Variants in LRRC7 observed in about 807,000 individuals in gnomAD.
LRRC7 encodes the protein leucine rich repeat containing 7.
LRRC7 carries 23 observed loss-of-function variants against 175.7 expected under a neutral mutation model. That is an observed-to-expected ratio of 0.13 (90% CI 0.09 to 0.19). The LOEUF is 0.19. Among genes scored for constraint, LRRC7 ranks in the 10% least tolerant of loss-of-function variants. LRRC7 has a pLI of 1.00. For missense variants in LRRC7, 1,354 were observed against 1,904.7 expected (o/e 0.71, Z 5.38); for synonymous variants, 685 against 680.9 (o/e 1.01, Z -0.09).
At chr1:69,687,518 A>AC (rs1438351104) in intron 2 of LRRC7, among the ~76,000 whole-genome samples, 4 of 90,342 alleles carry the variant, frequency 4.4e-5, no homozygotes, top group Admixed American at 1.2e-4. Flanking sequence ...TCAAGAAAAA[A>AC]CCAAAAAAAA....
At chr1:69,826,314 G>C (rs1246017892) in intron 5 of LRRC7, among the ~76,000 whole-genome samples, 1 of 152,116 alleles carries the variant, frequency 6.6e-6, no homozygotes, top group Non-Finnish European at 1.5e-5. Context: ...AACCCTAGGA[G>C]AATAGGAGAA....
chr1:69,797,917 G>T (rs539390862), intron 4 of LRRC7, among the ~76,000 whole-genome samples: 117 of 151,690 alleles, frequency 7.7e-4, no homozygotes, highest in South Asian at 1.9e-3. Context: ...TGTTTTTTTT[G>T]TTTGTTTGTT....
At chr1:69,904,620 C>A (rs1422303582) in intron 7 of LRRC7, among the ~76,000 whole-genome samples, 1 of 151,948 alleles carries the variant, frequency 6.6e-6, no homozygotes, top group African/African-American at 2.4e-5. Context: ...TTTTCTATTT[C>A]TTTTTAACTT....
At position 69,827,947 on chromosome 1, in the gene LRRC7, C is replaced by T. The variant is rs755710358; in HGVS notation, c.500+2121C>T. Among the ~76,000 whole-genome samples, 48 of 152,266 alleles carry T rather than the reference C, an allele frequency of 3.2e-4. No individual in the cohort carries two copies. In the Middle Eastern group the frequency reaches 0.017, roughly 54 times the overall value. On this transcript the variant is annotated intron_variant, in intron 5 of 26. Transcript: ENST00000651989. ...CAAGATATAGACTATTGCATCATCT[C>T]AAAGAATTCCCTTAGCCCAGTCATC...
intron 1 of LRRC7, among the ~76,000 whole-genome samples, chr1:69,675,375 G>A (rs11209514): frequency 0.21 from 31,685 of 151,956 alleles, 3,477 homozygotes; most frequent in South Asian, 0.29. Context: ...GACCACTTTT[G>A]TTTTCACATA....
chr1:69,716,252 T>C (rs1174887240), intron 2 of LRRC7: 4 of 452,330 alleles, frequency 8.8e-6, no homozygotes, highest in African/African-American at 2.0e-5. Flanking sequence ...TGCTTAAGTA[T>C]ATAGAATTCA....
intron 7 of LRRC7, among the ~76,000 whole-genome samples, chr1:69,922,467 A>G (rs1161981384): frequency 6.6e-6 from 1 of 152,212 alleles, no homozygotes; most frequent in Non-Finnish European, 1.5e-5. Context: ...TTGGGTAGAA[A>G]TTGTTCATTC....
intron 2 of LRRC7, among the ~76,000 whole-genome samples, chr1:69,701,093 A>T (rs1487382106): frequency 6.6e-6 from 1 of 152,190 alleles, no homozygotes; most frequent in Non-Finnish European, 1.5e-5. Context: ...AATTCTACTA[A>T]ATAAAACTGT....
chr1:69,835,455 A>G (rs1203191556), intron 6 of LRRC7, among the ~76,000 whole-genome samples: 1 of 151,920 alleles, frequency 6.6e-6, no homozygotes, highest in Non-Finnish European at 1.5e-5. Flanking sequence ...GGAACACATA[A>G]AAAAAGTCTG....
chr1:70,047,701 T>C (rs1167944613), intron 22 of LRRC7, among the ~76,000 whole-genome samples: 8 of 152,024 alleles, frequency 5.3e-5, no homozygotes, highest in South Asian at 2.1e-4. Flanking sequence ...ATGGTATATT[T>C]TTCATGTATT....
chr1:70,104,691 G>C (rs150864764), intron 25 of LRRC7, among the ~76,000 whole-genome samples: 140 of 152,252 alleles, frequency 9.2e-4, no homozygotes, highest in African/African-American at 3.3e-3. Flanking sequence ...ATAAGAGTAA[G>C]CAAAGCAAGT....
In LRRC7 at chr1:70,038,506, C is replaced by G; in HGVS notation, c.2682C>G (p.Thr894=). ...TRTPSPFEDR[T]AFPSKLETTP... ...CCCCTAGTCCGTTTGAAGACAGGAC[C>G]GCTTTTCCTTCCAAATTAGAGACAA... Residue 894 remains threonine, a synonymous_variant, in exon 21 of 27, where the codon ACC becomes ACG. Coordinates refer to ENST00000651989, the MANE Select transcript of LRRC7 (RefSeq NM_001370785.2). The G allele has an allele frequency of 1.9e-6, 3 of 1,614,038 alleles. No individual in the cohort carries two copies. The highest frequency in any genetic ancestry group is 2.5e-6 in the Non-Finnish European group (3 of 1,179,988).
intron 22 of LRRC7, among the ~76,000 whole-genome samples, chr1:70,051,927 G>A (rs1048848622): frequency 1.3e-5 from 2 of 151,842 alleles, no homozygotes; most frequent in African/African-American, 4.8e-5. Flanking sequence ...CTTAGCAAAC[G>A]CCCATTTTTA....
chr1:69,899,387 C>A (rs1354379669), intron 7 of LRRC7, among the ~76,000 whole-genome samples: 1 of 152,148 alleles, frequency 6.6e-6, no homozygotes, highest in African/African-American at 2.4e-5. Flanking sequence ...TGCCTCCTAA[C>A]AAGACTCCTG....
intron 26 of LRRC7, among the ~76,000 whole-genome samples, chr1:70,108,497 A>T (rs1271747447): frequency 6.6e-6 from 1 of 152,146 alleles, no homozygotes; most frequent in African/African-American, 2.4e-5. Context: ...CTTATCAGTG[A>T]TTTGAAGCTC....
At chr1:69,728,522 T>G (rs1360613099) in intron 2 of LRRC7, among the ~76,000 whole-genome samples, 1 of 152,212 alleles carries the variant, frequency 6.6e-6, no homozygotes, top group African/African-American at 2.4e-5. Flanking sequence ...TAGATAGTTA[T>G]TGCTACATCA....
intron 1 of LRRC7, among the ~76,000 whole-genome samples, chr1:69,643,204 C>T (rs1040959496): frequency 8.5e-5 from 13 of 152,078 alleles, no homozygotes; most frequent in African/African-American, 3.1e-4. Flanking sequence ...TGAGATGATA[C>T]CTGCTCACAT....
At chr1:69,694,239 A>C (rs749524814) in intron 2 of LRRC7, among the ~76,000 whole-genome samples, 1 of 152,164 alleles carries the variant, frequency 6.6e-6, no homozygotes, top group Non-Finnish European at 1.5e-5. Context: ...ATCCTCACCT[A>C]TAATAATTTT....
chr1:69,654,925 A>T (rs1656390619), intron 1 of LRRC7, among the ~76,000 whole-genome samples: 1 of 152,078 alleles, frequency 6.6e-6, no homozygotes, highest in African/African-American at 2.4e-5. Context: ...ATCCATTCCA[A>T]ATATGTTGGC....
Sources: allele counts gnomAD v4.1 joint callset (sites outside exome capture counted in the v4.1 genomes callset), GRCh38; gene constraint gnomAD v4.1.1; transcripts MANE v1.5; gene names NCBI Gene and HGNC (gene_info 2026-07-23, HGNC 2026-07-21).